TNKS: variants seen among roughly 807,000 people sequenced by gnomAD.
The protein encoded by TNKS is poly [ADP-ribose] polymerase tankyrase-1.
In TNKS, 72 loss-of-function variants were observed where a neutral mutation model predicts 135.8. The ratio of observed to expected loss-of-function variants is 0.53; its 90% CI spans 0.44 to 0.64. The LOEUF is 0.64. TNKS is among the 30% of genes least tolerant of loss of function. The pLI, the probability that TNKS is intolerant of heterozygous loss-of-function variation, is 0.00. For missense variants in TNKS, 1,769 were observed against 1,674.0 expected, an observed-to-expected ratio of 1.06 and a Z score of -0.99; for synonymous variants, 849 against 649.3, an observed-to-expected ratio of 1.31 and a Z score of -4.68.
intron 3 of TNKS, among the ~76,000 whole-genome samples, chr8:9,650,734 A>T (rs1347519719): frequency 6.6e-6 from 1 of 152,012 alleles, no homozygotes; most frequent in South Asian, 2.1e-4. Flanking sequence ...TCAGATGCAT[A>T]GTTTGCAAAG....
At chr8:9,561,973 C>T (rs868205076) in intron 1 of TNKS, among the ~76,000 whole-genome samples, 8 of 152,040 alleles carry the variant, frequency 5.3e-5, no homozygotes, top group Non-Finnish European at 7.4e-5. Flanking sequence ...CCCACCACCA[C>T]GCCCAGCTAA....
chr8:9,716,618 G>T (rs945264693), intron 11 of TNKS, among the ~76,000 whole-genome samples: 2 of 152,090 alleles, frequency 1.3e-5, no homozygotes, highest in African/African-American at 4.8e-5. Flanking sequence ...AAGGAATTTA[G>T]AAACTATCAG....
intron 26 of TNKS, among the ~76,000 whole-genome samples, chr8:9,774,014 G>A (rs1364052521): frequency 6.6e-6 from 1 of 152,134 alleles, no homozygotes; most frequent in East Asian, 1.9e-4. Flanking sequence ...GATGATTTGA[G>A]TAGTAGTATT....
chr8:9,679,907 T>C (rs1344071883), intron 3 of TNKS, 44 bp from the exon 4 acceptor site: 2 of 1,538,908 alleles, frequency 1.3e-6, no homozygotes, highest in Non-Finnish European at 1.8e-6. Context: ...TCTTAATCTG[T>C]CTTCTGCCAA....
chr8:9,563,214 C>A (rs1054210284), intron 1 of TNKS, among the ~76,000 whole-genome samples: 2 of 152,082 alleles, frequency 1.3e-5, no homozygotes, highest in Admixed American at 6.5e-5. Flanking sequence ...AGCTCTTGTA[C>A]CCATTAAACT....
intron 3 of TNKS, among the ~76,000 whole-genome samples, chr8:9,675,373 T>A (rs1802490288): frequency 6.6e-6 from 1 of 152,354 alleles, no homozygotes; most frequent in South Asian, 2.1e-4. Flanking sequence ...CACTCTGGAA[T>A]ATAAGAGTCC....
In TNKS at chr8:9,566,673, A is replaced by G. The variant is rs553119748; in HGVS notation, c.673+10061A>G. 8 of 143,716 alleles carry G rather than the reference A, an allele frequency of 5.6e-5. No individual in the cohort carries two copies. The South Asian group carries it at 1.5e-3, about 28-fold the overall frequency. 8.9% of individuals were successfully genotyped at this position (143,716 alleles called of 1,614,324 possible). A position where few individuals can be genotyped will look rare whatever the true frequency, so the allele number is the denominator to read the frequency against. On this transcript the variant is annotated intron_variant, in intron 1 of 26. Transcript: ENST00000310430. ...CCGGACTGCGGACTGCAGTGGCGCA[A>G]TCTCGGCTCACTGCAAGCTCCGCCT...
At chr8:9,675,201 A>G (rs1483443335) in intron 3 of TNKS, among the ~76,000 whole-genome samples, 1 of 152,188 alleles carries the variant, frequency 6.6e-6, no homozygotes, top group Non-Finnish European at 1.5e-5. Context: ...TTAATTTTCA[A>G]ATCTACTAGT....
At chr8:9,758,495 T>C (rs999359143) in intron 20 of TNKS, among the ~76,000 whole-genome samples, 1 of 152,226 alleles carries the variant, frequency 6.6e-6, no homozygotes, top group Non-Finnish European at 1.5e-5. Flanking sequence ...AGATCACTTA[T>C]CTACTGCTGT....
chr8:9,667,490 T>C (rs1802050431), intron 3 of TNKS, among the ~76,000 whole-genome samples: 1 of 152,260 alleles, frequency 6.6e-6, no homozygotes, highest in African/African-American at 2.4e-5. Context: ...GCCTGACCTC[T>C]GCATCTTATA....
Position 9,720,431 on chromosome 8 carries a change from C to T in TNKS, c.1807C>T (p.His603Tyr), listed in dbSNP as rs764974293. 1.2e-6 allele frequency: 2 copies of T among 1,613,796 alleles called. No homozygotes were observed. Among genetic ancestry groups the T allele is most frequent in the African/African-American group, 1.3e-5 (1 of 74,918 alleles). ...TALHRAALAG[H>Y]LQTCRLLLSY... is the part of the protein sequence containing the mutation. ...TTTGCATAGAGCCGCCCTAGCAGGT[C>T]ACCTGCAGACCTGCCGCCTCCTGCT... is the stretch of plus-strand genomic sequence containing the variant. The change falls in exon 12 of 27, where the codon CAC becomes TAC. Residue 603 changes from histidine to tyrosine, a missense_variant. Transcript: ENST00000310430.
At chr8:9,649,271 A>G (rs1801043294) in intron 3 of TNKS, among the ~76,000 whole-genome samples, 1 of 152,206 alleles carries the variant, frequency 6.6e-6, no homozygotes, top group African/African-American at 2.4e-5. Context: ...CCAATCAAAT[A>G]TGTAGCCGTT....
chr8:9,624,406 C>T (rs6986254), intron 3 of TNKS, among the ~76,000 whole-genome samples: 148,304 of 152,344 alleles, frequency 0.97, 72,304 homozygotes, highest in East Asian at 1. Context: ...CTCTGTTCTT[C>T]AAGATTTTTA....
intron 2 of TNKS, among the ~76,000 whole-genome samples, chr8:9,605,396 AT>A (rs368488815): frequency 4.0e-5 from 6 of 151,670 alleles, no homozygotes; most frequent in African/African-American, 7.3e-5. Flanking sequence ...TTTGCTTCAG[AT>A]TTTTTTTCAA....
intron 26 of TNKS, among the ~76,000 whole-genome samples, chr8:9,770,618 G>A (rs1167387373): frequency 1.3e-5 from 2 of 152,184 alleles, no homozygotes; most frequent in African/African-American, 4.8e-5. Flanking sequence ...GGATGTACAT[G>A]CCACAGGATT....
intron 3 of TNKS, among the ~76,000 whole-genome samples, chr8:9,651,097 G>T (rs902621133): frequency 6.6e-6 from 1 of 152,014 alleles, no homozygotes; most frequent in Admixed American, 6.5e-5. Context: ...GTATGTTTTT[G>T]TTTGCTTTGT....
chr8:9,742,499 T>C (rs989764705), intron 17 of TNKS, among the ~76,000 whole-genome samples: 3 of 151,796 alleles, frequency 2.0e-5, no homozygotes, highest in Non-Finnish European at 4.4e-5. Context: ...GTAAAACCTA[T>C]AATCTATTAT....
chr8:9,576,466 C>CT (rs915555599), intron 1 of TNKS, among the ~76,000 whole-genome samples: 1,347 of 131,486 alleles, frequency 0.01, 15 homozygotes, highest in African/African-American at 0.02. Context: ...CCACCCCCCT[C>CT]TTTTTTTTTT....
intron 1 of TNKS, among the ~76,000 whole-genome samples, chr8:9,578,085 C>T (rs748044596): frequency 6.6e-6 from 1 of 152,228 alleles, no homozygotes; most frequent in Non-Finnish European, 1.5e-5. Context: ...CACACCAACA[C>T]AAGGGGTGGG....
Sources: allele counts gnomAD v4.1 joint callset (sites outside exome capture counted in the v4.1 genomes callset), GRCh38; gene constraint gnomAD v4.1.1; transcripts MANE v1.5; gene names NCBI Gene and HGNC (gene_info 2026-07-23, HGNC 2026-07-21).